Variants in PCDH15 observed in about 807,000 individuals in gnomAD.
PCDH15 encodes protocadherin related 15.
A neutral mutation model predicts 178.5 loss-of-function variants in PCDH15; 129 were observed. The observed-to-expected ratio is 0.72, with a 90% CI of 0.63 to 0.84. PCDH15 has a LOEUF of 0.84. Among genes scored for constraint, PCDH15 ranks in the 40% least tolerant of loss-of-function variants. The probability of loss-of-function intolerance (pLI) is 0.00; values close to 1 mark genes in which losing one functional copy is unlikely to be tolerated. For synonymous variants in PCDH15, 800 were observed against 732.0 expected, an observed-to-expected ratio of 1.09 and a Z score of -1.50; for missense variants, 2,230 against 2,099.9, an observed-to-expected ratio of 1.06 and a Z score of -1.21.
At chr10:55,540,588 AT>A (rs1326339269) in intron 2 of PCDH15, among the ~76,000 whole-genome samples, 4 of 152,094 alleles carry the variant, frequency 2.6e-5, no homozygotes, top group Non-Finnish European at 4.4e-5. Flanking sequence ...TAAGAAGTAA[AT>A]TCTAGGCTTA....
intron 3 of PCDH15, among the ~76,000 whole-genome samples, chr10:54,455,754 C>T (rs2076777179): frequency 6.6e-6 from 1 of 152,156 alleles, no homozygotes; most frequent in Admixed American, 6.5e-5. Context: ...CCTCCCATCA[C>T]AGGCCTGAAG....
chr10:54,350,662 A>G (rs1944030221), intron 5 of PCDH15, among the ~76,000 whole-genome samples: 1 of 152,250 alleles, frequency 6.6e-6, no homozygotes, highest in South Asian at 2.1e-4. Flanking sequence ...AGAAGAAAGT[A>G]GAAGCAGAAA....
At chr10:54,177,987 A>G (rs2047608864) in intron 13 of PCDH15, among the ~76,000 whole-genome samples, 1 of 152,136 alleles carries the variant, frequency 6.6e-6, no homozygotes, top group Admixed American at 6.6e-5. Flanking sequence ...AAGTATATAT[A>G]GAGGTGATGA....
rs146118804 is a variant in PCDH15 at position 54,853,008 on chromosome 10, C to A, written c.-29+44442G>T. On this transcript the variant is annotated intron_variant, in intron 3 of 5. Coordinates refer to the PCDH15 transcript ENST00000458638. ...TGGTGCAATGGCTCACGCCTGTAAT[C>A]CCAGCACTTTGGGAGGCCGAGGCAG... 9.2e-5 allele frequency among the ~76,000 whole-genome samples: 14 copies of A among 151,570 alleles called. No homozygotes were observed. The East Asian group carries it at 2.7e-3, about 29-fold the overall frequency.
intron 2 of PCDH15, among the ~76,000 whole-genome samples, chr10:55,562,096 C>G (rs957932000): frequency 1.3e-5 from 2 of 151,844 alleles, no homozygotes; most frequent in African/African-American, 4.8e-5. Flanking sequence ...CACGTTGTCT[C>G]AAGAGTAGCA....
At chr10:54,752,483 A>AAC (rs1946403022) in intron 1 of PCDH15, among the ~76,000 whole-genome samples, 2 of 90,034 alleles carry the variant, frequency 2.2e-5, no homozygotes, top group South Asian at 3.3e-4. Flanking sequence ...TCTCAAAAAA[A>AAC]AAAAAAAACA....
intron 28 of PCDH15, among the ~76,000 whole-genome samples, chr10:53,854,642 T>C (rs2078606757): frequency 6.6e-6 from 1 of 151,980 alleles, no homozygotes; most frequent in Non-Finnish European, 1.5e-5. Context: ...ACCAAATGCT[T>C]AATAAATAAA....
chr10:54,410,385 C>G (rs1011885616), intron 3 of PCDH15, among the ~76,000 whole-genome samples: 5 of 152,144 alleles, frequency 3.3e-5, no homozygotes, highest in African/African-American at 1.2e-4. Context: ...GTTTTGAATT[C>G]AGCCATGGCT....
intron 32 of PCDH15, among the ~76,000 whole-genome samples, chr10:53,826,354 T>C (rs1279131621): frequency 2.6e-5 from 4 of 152,046 alleles, no homozygotes; most frequent in Non-Finnish European, 5.9e-5. Context: ...ATTATTAATA[T>C]GGTAAGTAAC....
chr10:53,846,915 A>T (rs866559444), intron 28 of PCDH15, among the ~76,000 whole-genome samples: 1 of 152,006 alleles, frequency 6.6e-6, no homozygotes, highest in South Asian at 2.1e-4. Flanking sequence ...CTGGTTTTGC[A>T]TGCTCAGTTT....
chr10:54,540,350 C>G (rs1205192080), intron 2 of PCDH15, among the ~76,000 whole-genome samples: 1 of 151,842 alleles, frequency 6.6e-6, no homozygotes, highest in Non-Finnish European at 1.5e-5. Context: ...AACAGAAACA[C>G]AAAAAAATCC....
rs182991656 is a variant in PCDH15, at chr10:55,257,964, A to T, written c.-156+61635T>A. ...AAATGAAGGAAAAAATGTTAAGGGC[A>T]GCCAGAGAGAAAGGTTGGGTTATCC... On this transcript the variant is annotated intron_variant, in intron 1 of 5. Coordinates refer to the PCDH15 transcript ENST00000458638. Among the ~76,000 whole-genome samples, 815 of 152,328 alleles carry T rather than the reference A, an allele frequency of 5.4e-3. 4 individuals carry two copies. The highest frequency in any genetic ancestry group is 7.7e-3 in the Non-Finnish European group (527 of 68,024).
At chr10:54,370,213 A>ATTTC (rs778228727) in intron 4 of PCDH15, among the ~76,000 whole-genome samples, 5 of 151,900 alleles carry the variant, frequency 3.3e-5, no homozygotes, top group Admixed American at 2.0e-4. Context: ...ACTACAAAGT[A>ATTTC]TTTCTTTGTG....
chr10:53,933,486 C>T (rs1181052591), intron 25 of PCDH15, among the ~76,000 whole-genome samples: 2 of 152,104 alleles, frequency 1.3e-5, no homozygotes, highest in Admixed American at 6.5e-5. Flanking sequence ...ATCCATGTCC[C>T]TATAAAGGAC....
intron 26 of PCDH15, 48 bp from the exon 27 acceptor site, chr10:53,866,905 T>C (rs2079502492): frequency 3.7e-6 from 5 of 1,341,722 alleles, no homozygotes; most frequent in Middle Eastern, 3.6e-4. Context: ...CAGGAAAAGA[T>C]AACCCTTATG....
intron 2 of PCDH15, among the ~76,000 whole-genome samples, chr10:54,913,512 T>C (rs923539268): frequency 4.6e-4 from 70 of 152,190 alleles, no homozygotes; most frequent in African/African-American, 1.5e-3. Context: ...GAACCTCTAC[T>C]AGGGTAGTGC....
At chr10:53,827,346 T>C (rs755461502) in intron 32 of PCDH15, 47 bp downstream of exon 32, 12 of 1,558,796 alleles carry the variant, frequency 7.7e-6, no homozygotes, top group Non-Finnish European at 8.7e-6. Context: ...CACACAGAAT[T>C]CAGTAAAACC....
At position 54,638,591 on chromosome 10, in the gene PCDH15, T is replaced by G. The variant is rs182473477; in HGVS notation, c.91+25581A>C. Among the ~76,000 whole-genome samples, 69 of 152,264 alleles carry G rather than the reference T, an allele frequency of 4.5e-4. 1 individual carries two copies. The highest frequency in any genetic ancestry group is 1.6e-3 in the African/African-American group (66 of 41,584). On this transcript the variant is annotated intron_variant, in intron 2 of 37. Coordinates refer to ENST00000644397, the MANE Select transcript of PCDH15 (RefSeq NM_001384140.1). ...GTGCCTGGCTTCCATTTTTTACACT[T>G]GTCAACTAGCCTATCTTTTATTATT...
At chr10:55,544,131 TATAC>T (rs201643134) in intron 2 of PCDH15, among the ~76,000 whole-genome samples, 5,941 of 79,758 alleles carry the variant, frequency 0.074, 386 homozygotes, top group East Asian at 0.19. Context: ...CCTCAAATCT[TATAC>T]ATACATATAT....
Sources: gnomAD v4.1 joint callset for allele counts (sites outside exome capture counted in the v4.1 genomes callset) on GRCh38, gnomAD v4.1.1 for gene constraint, MANE v1.5 for transcripts, NCBI Gene and HGNC (gene_info 2026-07-23, HGNC 2026-07-21) for gene names.